The following SLC24A2 variants were observed in gnomAD, a reference collection of about 807,000 sequenced individuals.
SLC24A2 encodes solute carrier family 24 member 2.
A neutral mutation model predicts 62.0 loss-of-function variants in SLC24A2; 36 were observed. That is an observed-to-expected ratio of 0.58 (90% CI 0.44 to 0.77). The LOEUF (loss-of-function observed/expected upper bound fraction) is 0.77, where lower values mean the gene tolerates loss of function less well. Among genes scored for constraint, SLC24A2 ranks in the 30% least tolerant of loss-of-function variants. The pLI, the probability that SLC24A2 is intolerant of heterozygous loss-of-function variation, is 0.00. For synonymous variants in SLC24A2, 358 were observed against 294.0 expected (o/e 1.22, Z -2.23); for missense variants, 846 against 817.9 (o/e 1.03, Z -0.42).
chr9:19,642,616 T>C (rs1432521073), intron 2 of SLC24A2, among the ~76,000 whole-genome samples: 1 of 151,978 alleles, frequency 6.6e-6, no homozygotes, highest in Non-Finnish European at 1.5e-5. Flanking sequence ...GTTTGTTTCA[T>C]TGTTTGCTTT....
chr9:20,063,128 C>G, the SLC24A2 span, among the ~76,000 whole-genome samples: 2 of 135,484 alleles, frequency 1.5e-5, no homozygotes, highest in Middle Eastern at 3.4e-3. Context: ...TTGACACAGC[C>G]ATCCCATTAC....
chr9:20,178,940 A>G, the SLC24A2 span, among the ~76,000 whole-genome samples: 5 of 152,188 alleles, frequency 3.3e-5, no homozygotes, highest in Non-Finnish European at 7.4e-5. Context: ...CTATGACTCC[A>G]TAAGACCAGC....
intron 5 of SLC24A2, among the ~76,000 whole-genome samples, chr9:19,582,859 T>A (rs1836248257): frequency 1.3e-5 from 2 of 152,174 alleles, no homozygotes; most frequent in African/African-American, 2.4e-5. Flanking sequence ...TCTCTATTTT[T>A]AAAATTTTTC....
intron 4 of SLC24A2, among the ~76,000 whole-genome samples, chr9:19,614,217 C>A (rs543040472): frequency 1.3e-5 from 2 of 152,270 alleles, no homozygotes; most frequent in Admixed American, 1.3e-4. Context: ...GATAGCCATC[C>A]TGTGATCTCA....
upstream of SLC24A2, among the ~76,000 whole-genome samples, chr9:19,791,101 G>A (rs545325654): frequency 6.6e-6 from 1 of 152,314 alleles, no homozygotes; most frequent in Admixed American, 6.5e-5. Flanking sequence ...AAAGAAGTCT[G>A]AAAGCAGACT....
At chr9:19,637,415 T>G (rs1190790349) in intron 2 of SLC24A2, among the ~76,000 whole-genome samples, 1 of 152,238 alleles carries the variant, frequency 6.6e-6, no homozygotes, top group Non-Finnish European at 1.5e-5. Context: ...CGACTGTGTT[T>G]GTTCTAACTA....
At chr9:20,050,370 C>T in the SLC24A2 span, among the ~76,000 whole-genome samples, 2 of 151,576 alleles carry the variant, frequency 1.3e-5, no homozygotes, top group Admixed American at 6.6e-5. Context: ...GAGCCTAGAT[C>T]GCACCACTGC....
chr9:19,962,216 G>C, the SLC24A2 span, among the ~76,000 whole-genome samples: 2 of 152,108 alleles, frequency 1.3e-5, no homozygotes, highest in Admixed American at 6.5e-5. Context: ...CTGTTCCATT[G>C]ATCTATATCT....
intron 2 of SLC24A2, among the ~76,000 whole-genome samples, chr9:19,716,894 T>C (rs1006764974): frequency 6.6e-6 from 1 of 152,232 alleles, no homozygotes; most frequent in Admixed American, 6.5e-5. Flanking sequence ...TTTCCAGGTC[T>C]TCTTAGTTAC....
rs1245500497 is a variant in SLC24A2 at position 19,513,155 on chromosome 9, T to G, written c.*2998A>C. 5.4e-5 allele frequency: 3 copies of G among 55,846 alleles called. No individual in the cohort carries two copies. Among genetic ancestry groups the G allele is most frequent in the Admixed American group, 1.6e-4 (1 of 6,066 alleles). The allele number at this position is 55,846 out of a possible 1,614,324, so 3.5% of individuals were successfully genotyped here. A position where few individuals can be genotyped will look rare whatever the true frequency, so the allele number is the denominator to read the frequency against. ...TGTACATATAGATCTGGTATAAAGA[T>G]ATATATATATATATATATATGTATA... On this transcript the variant is annotated 3_prime_UTR_variant, in exon 11 of 11. Coordinates refer to ENST00000341998, the MANE Select transcript of SLC24A2 (RefSeq NM_020344.4).
the SLC24A2 span, among the ~76,000 whole-genome samples, chr9:20,181,789 T>G: frequency 6.6e-6 from 1 of 152,146 alleles, no homozygotes; most frequent in Admixed American, 6.5e-5. Flanking sequence ...ACAAATGGGA[T>G]CTAATTAAAT....
At chr9:19,742,122 CT>C (rs1821697807) in intron 2 of SLC24A2, among the ~76,000 whole-genome samples, 1 of 152,160 alleles carries the variant, frequency 6.6e-6, no homozygotes, top group African/African-American at 2.4e-5. Context: ...CAAATTCTAT[CT>C]CAGAAGCAAT....
At chr9:19,842,432 T>C in the SLC24A2 span, among the ~76,000 whole-genome samples, 1 of 152,192 alleles carries the variant, frequency 6.6e-6, no homozygotes, top group African/African-American at 2.4e-5. Flanking sequence ...TGGGCTCTAT[T>C]ATACAGGAAA....
chr9:19,569,864 T>C (rs1563973500), intron 7 of SLC24A2, among the ~76,000 whole-genome samples: 2 of 152,198 alleles, frequency 1.3e-5, no homozygotes, highest in African/African-American at 4.8e-5. Flanking sequence ...AAGCTGAGTT[T>C]ATTTCTGCCT....
At chr9:19,690,218 TCTC>T (rs771879195) in intron 2 of SLC24A2, among the ~76,000 whole-genome samples, 1 of 151,992 alleles carries the variant, frequency 6.6e-6, no homozygotes, top group East Asian at 1.9e-4. Flanking sequence ...CACACACACT[TCTC>T]CTATTGGTTC....
the SLC24A2 span, among the ~76,000 whole-genome samples, chr9:20,295,053 T>TATATATATAC: frequency 1.2e-4 from 17 of 144,426 alleles, no homozygotes; most frequent in African/African-American, 4.1e-4. Context: ...TATATATATA[T>TATATATATAC]ACACACACAC....
chr9:20,251,150 C>A, the SLC24A2 span, among the ~76,000 whole-genome samples: 3 of 152,296 alleles, frequency 2.0e-5, no homozygotes, highest in South Asian at 6.2e-4. Context: ...ACACAACCAA[C>A]CTTTGGGAAA....
chr9:19,817,553 T>C, the SLC24A2 span, among the ~76,000 whole-genome samples: 1 of 151,844 alleles, frequency 6.6e-6, no homozygotes, highest in African/African-American at 2.4e-5. Context: ...AATTTTATAA[T>C]GGCCATATGA....
At chr9:19,733,317 T>C (rs1821394856) in intron 2 of SLC24A2, among the ~76,000 whole-genome samples, 1 of 152,184 alleles carries the variant, frequency 6.6e-6, no homozygotes, top group East Asian at 1.9e-4. Context: ...GACCTAAGGG[T>C]ATCAGAATCA....
Sources: allele counts gnomAD v4.1 joint callset (sites outside exome capture counted in the v4.1 genomes callset), GRCh38; gene constraint gnomAD v4.1.1; transcripts MANE v1.5; gene names NCBI Gene and HGNC (gene_info 2026-07-23, HGNC 2026-07-21).